Variants in XKR9 observed in about 807,000 individuals in gnomAD.
XKR9 encodes the protein XK-related protein 9.
In XKR9, 32 loss-of-function variants were observed where a neutral mutation model predicts 32.0. That is an observed-to-expected ratio of 1.00 (90% confidence interval 0.76 to 1.34). The LOEUF (loss-of-function observed/expected upper bound fraction) is 1.34. Ranked by LOEUF, XKR9 falls within the 40% of genes most tolerant of loss-of-function variation. The pLI is 0.00. For missense variants in XKR9, 546 were observed against 429.7 expected (o/e 1.27, Z -2.39); for synonymous variants, 168 against 143.4 (o/e 1.17, Z -1.22).
the XKR9 span, among the ~76,000 whole-genome samples, chr8:70,969,664 G>C: frequency 6.6e-6 from 1 of 152,158 alleles, no homozygotes; most frequent in East Asian, 1.9e-4. Flanking sequence ...ACTACATCTG[G>C]CATTACAGTA....
chr8:70,857,692 T>G, the XKR9 span, among the ~76,000 whole-genome samples: 1 of 152,314 alleles, frequency 6.6e-6, no homozygotes, highest in Middle Eastern at 3.4e-3. Flanking sequence ...ATATCTCTGA[T>G]GAACACCGAT....
the XKR9 span, among the ~76,000 whole-genome samples, chr8:70,864,893 T>C: frequency 6.6e-6 from 1 of 152,118 alleles, no homozygotes; most frequent in African/African-American, 2.4e-5. Flanking sequence ...CCATGTTTTA[T>C]CAAAAACCTT....
In XKR9 at chr8:70,700,003, G is replaced by A. The variant is rs533163899; in HGVS notation, c.273-6930G>A. Among the ~76,000 whole-genome samples, 14 of 152,062 alleles carry A rather than the reference G, an allele frequency of 9.2e-5. No homozygotes were observed. The South Asian group carries it at 1.7e-3, about 18-fold the overall frequency. ...CTCCTGAGTCTTCTGCATTCTTCACGTAGTTCTCGAGCCTTGGCTTTCAGC... is the reference window on the plus strand; with the variant it reads ...CTCCTGAGTCTTCTGCATTCTTCACATAGTTCTCGAGCCTTGGCTTTCAGC... On this transcript the variant is annotated intron_variant, in intron 3 of 4. Transcript: ENST00000408926.
chr8:70,785,221 A>G (rs1167051711), intron 2 of XKR9, among the ~76,000 whole-genome samples: 3 of 151,764 alleles, frequency 2.0e-5, no homozygotes, highest in Admixed American at 6.6e-5. Context: ...CTATTTCTTC[A>G]TTATTCACTT....
the XKR9 span, among the ~76,000 whole-genome samples, chr8:70,894,588 T>C: frequency 6.6e-6 from 1 of 152,074 alleles, no homozygotes; most frequent in Non-Finnish European, 1.5e-5. Context: ...CTATTCTGAG[T>C]GGCCCAGGCA....
intron 2 of XKR9, among the ~76,000 whole-genome samples, chr8:70,777,033 G>A (rs1807535429): frequency 6.7e-6 from 1 of 150,084 alleles, no homozygotes; most frequent in South Asian, 2.1e-4. Flanking sequence ...AGGTATACAT[G>A]TGCCATGTTG....
intron 4 of XKR9, among the ~76,000 whole-genome samples, chr8:70,717,073 G>A (rs1221368580): frequency 6.6e-6 from 1 of 152,232 alleles, no homozygotes; most frequent in African/African-American, 2.4e-5. Flanking sequence ...TAATGCTGAT[G>A]CAAGAGGTGG....
chr8:70,710,762 CAAAA>C lies in XKR9; in HGVS notation c.493+3615_493+3618del, dbSNP rs367840561. On this transcript the variant is annotated intron_variant, in intron 4 of 4. Coordinates refer to ENST00000408926, the MANE Select transcript of XKR9 (RefSeq NM_001011720.2). ...AAACAAAAAACAAAAGCAATTGCAA[CAAAA>C]AAAAAGTTGACAGGTGTGACTTAAT... is the stretch of plus-strand genomic sequence containing the variant. 3.3e-5 allele frequency among the ~76,000 whole-genome samples: 5 copies of C among 150,066 alleles called. No individual in the cohort carries two copies. The East Asian group carries it at 7.8e-4, about 23-fold the overall frequency.
chr8:70,883,506 G>T, the XKR9 span, among the ~76,000 whole-genome samples: 1 of 152,084 alleles, frequency 6.6e-6, no homozygotes, highest in Admixed American at 6.6e-5. Flanking sequence ...TAGTGGGATT[G>T]CTAGATAGAA....
At chr8:70,812,796 T>G in the XKR9 span, among the ~76,000 whole-genome samples, 1 of 152,048 alleles carries the variant, frequency 6.6e-6, no homozygotes, top group Admixed American at 6.6e-5. Context: ...TAAAAGAGGA[T>G]ACAAACAAAT....
chr8:70,839,304 A>G, the XKR9 span, among the ~76,000 whole-genome samples: 2 of 152,136 alleles, frequency 1.3e-5, no homozygotes, highest in Non-Finnish European at 1.5e-5. Flanking sequence ...AAATTTCACT[A>G]AAAAAGAGCA....
chr8:70,731,666 G>T lies in XKR9; in HGVS notation c.494-2130G>T, dbSNP rs148050320. Among the ~76,000 whole-genome samples, 307 of 152,224 alleles carry T rather than the reference G, an allele frequency of 2.0e-3. 2 individuals are homozygous for T. Among genetic ancestry groups the T allele is most frequent in the African/African-American group, 7.2e-3 (297 of 41,510 alleles). On this transcript the variant is annotated intron_variant, in intron 4 of 4. Transcript: ENST00000408926. ...CCCTGTTGTCTTTGATCTCCTCCAG[G>T]TGGGGAAGGATGACCTCTGAATGGT... is the stretch of plus-strand genomic sequence containing the variant.
At chr8:70,818,931 G>A in the XKR9 span, among the ~76,000 whole-genome samples, 1 of 152,202 alleles carries the variant, frequency 6.6e-6, no homozygotes, top group South Asian at 2.1e-4. Context: ...TTCTAAAGCT[G>A]ATGAAGAACA....
At chr8:70,915,622 A>G in the XKR9 span, among the ~76,000 whole-genome samples, 30 of 152,274 alleles carry the variant, frequency 2.0e-4, no homozygotes, top group East Asian at 4.8e-3. Flanking sequence ...TCTACACTCT[A>G]TCTAGAACTG....
chr8:70,734,444 T>C lies in XKR9; in HGVS notation c.*20T>C. 6.8e-7 allele frequency: 1 copy of C among 1,474,594 alleles called. No homozygotes were observed. The highest frequency in any genetic ancestry group is 8.9e-7 in the Non-Finnish European group (1 of 1,123,776). 91.3% of individuals were successfully genotyped at this position (1,474,594 alleles called of 1,614,324 possible). ...GAATAAGCTATTCATTTATGATATA[T>C]ATTTTCTTATATTTTGTTTCATTGG... On this transcript the variant is annotated 3_prime_UTR_variant, in exon 5 of 5. Coordinates refer to ENST00000408926, the MANE Select transcript of XKR9 (RefSeq NM_001011720.2).
chr8:70,947,205 G>T, the XKR9 span, among the ~76,000 whole-genome samples: 1 of 152,222 alleles, frequency 6.6e-6, no homozygotes, highest in African/African-American at 2.4e-5. Context: ...ATCCTGCCTA[G>T]ATGAATAAGG....
the XKR9 span, among the ~76,000 whole-genome samples, chr8:71,039,379 G>C: frequency 6.6e-6 from 1 of 152,098 alleles, no homozygotes; most frequent in Non-Finnish European, 1.5e-5. Flanking sequence ...TTACAGTTGG[G>C]CAAAATCATC....
chr8:71,053,738 C>CTGTT, the XKR9 span, among the ~76,000 whole-genome samples: 123 of 152,324 alleles, frequency 8.1e-4, 1 homozygote, highest in Non-Finnish European at 1.1e-3. Flanking sequence ...CAGGTAAAGT[C>CTGTT]TGTTTCTCCA....
the XKR9 span, among the ~76,000 whole-genome samples, chr8:70,823,876 C>T: frequency 8.6e-5 from 13 of 152,012 alleles, no homozygotes; most frequent in Non-Finnish European, 1.8e-4. Context: ...GAAGGAAAGG[C>T]GCTAGCAACA....
Sources: allele counts gnomAD v4.1 joint callset (sites outside exome capture counted in the v4.1 genomes callset), GRCh38; gene constraint gnomAD v4.1.1; transcripts MANE v1.5; gene names NCBI Gene and HGNC (gene_info 2026-07-23, HGNC 2026-07-21).